EVX2: variants seen among roughly 807,000 people sequenced by gnomAD.
EVX2 encodes homeobox even-skipped homolog protein 2.
EVX2 carries 10 observed loss-of-function variants against 19.2 expected under a neutral mutation model. That is an observed-to-expected ratio of 0.52 (90% CI 0.32 to 0.89). The LOEUF is 0.89. Among genes scored for constraint, EVX2 ranks in the 40% least tolerant of loss-of-function variants. The pLI, the probability that EVX2 is intolerant of heterozygous loss-of-function variation, is 0.03. For missense variants in EVX2, 710 were observed against 694.9 expected, an observed-to-expected ratio of 1.02 and a Z score of -0.24; for synonymous variants, 354 against 328.4, an observed-to-expected ratio of 1.08 and a Z score of -0.84.
In EVX2 at chr2:176,082,095, C is replaced by T. The variant is rs113658423; in HGVS notation, c.699+83G>A. On this transcript the variant is annotated intron_variant, in intron 2 of 2. Transcript: ENST00000308618. This position sits in a 1 kb window ranked among gnomAD's most constrained non-coding sequence, Gnocchi z 5.2. ...CAGACCCTTAGCTAAATCTAGCCACCCAGAAAGGGGAAAGGGGAAAAAGAA... is the reference window on the plus strand; with the variant it reads ...CAGACCCTTAGCTAAATCTAGCCACTCAGAAAGGGGAAAGGGGAAAAAGAA... 704 of 1,415,166 alleles carry T rather than the reference C, an allele frequency of 5.0e-4. 2 individuals are homozygous for T. The African/African-American group carries it at 9.0e-3, about 18-fold the overall frequency. The allele number at this position is 1,415,166 out of a possible 1,614,324, so 87.7% of individuals were successfully genotyped here. A position where few individuals can be genotyped will look rare whatever the true frequency, so the allele number is the denominator to read the frequency against.
At position 176,081,588 on chromosome 2, in the gene EVX2, G is replaced by A. The variant is rs1245862049; in HGVS notation, c.699+590C>T. Among the ~76,000 whole-genome samples, 1 of 151,936 alleles carries A rather than the reference G, an allele frequency of 6.6e-6. No homozygotes were observed. The highest frequency in any genetic ancestry group is 1.5e-5 in the Non-Finnish European group (1 of 68,004). Reference sequence around the variant, plus strand: ...GGCTCACCAAATCGCCTAACCTCCCGGCTATCTCTCCCAGACGTATAATAA... The same window carrying A: ...GGCTCACCAAATCGCCTAACCTCCCAGCTATCTCTCCCAGACGTATAATAA... On this transcript the variant is annotated intron_variant, in intron 2 of 2. Coordinates refer to ENST00000308618, the MANE Select transcript of EVX2 (RefSeq NM_001080458.2). This position sits in a 1 kb window ranked among gnomAD's most constrained non-coding sequence, Gnocchi z 5.9.
rs927104875 is a variant in EVX2 at position 176,078,861 on chromosome 2, C to G, written c.*1246G>C. 1.3e-5 allele frequency: 2 copies of G among 152,192 alleles called. 1 individual carries two copies. The highest frequency in any genetic ancestry group is 4.1e-4 in the South Asian group (2 of 4,830). 9.4% of individuals were successfully genotyped at this position (152,192 alleles called of 1,614,324 possible). ...TGCACATTATTAGCATCAAACTTGA[C>G]GTGGCAGTTAACACTAGTGGGTTTT... On this transcript the variant is annotated 3_prime_UTR_variant, in exon 3 of 3. Coordinates refer to ENST00000308618, the MANE Select transcript of EVX2 (RefSeq NM_001080458.2).
chr2:176,083,711 G>C lies in EVX2; in HGVS notation c.66C>G (p.Gly22=). The C allele has an allele frequency of 6.2e-7, 1 of 1,613,890 alleles. No individual in the cohort carries two copies. The highest frequency in any genetic ancestry group is 8.5e-7 in the Non-Finnish European group (1 of 1,180,000). Residue 22 remains glycine, a synonymous_variant, in exon 1 of 3, where the codon GGC becomes GGG. Transcript: ENST00000308618. This position sits in a 1 kb window ranked among gnomAD's most constrained non-coding sequence, Gnocchi z 4.4. ...AGTTGGACAAATTGGAGAATCTCTT[G>C]CCCGCCGTAGGGCTGTGCAGCCCTC... ...MERGLHSPTA[G]KRFSNLSNSA...
chr2:176,083,543 G>T lies in EVX2; in HGVS notation c.234C>A (p.Asn78Lys), dbSNP rs1434089573. The change falls in exon 1 of 3, where the codon AAC becomes AAA. Residue 78 changes from asparagine to lysine, a missense_variant. Transcript: ENST00000308618. The surrounding 1 kb of genome is among the most constrained non-coding windows in gnomAD (Gnocchi z 4.4). The stretch of plus-strand genomic sequence containing the variant: ...TGCTTTCGCTGCCCGTGTGCTGCAG[G>T]TTGAACAAAGTGTCTATTTCGAATT... ...KGKFEIDTLF[N>K]LQHTGSESTV... 1 of 1,614,202 alleles carries T rather than the reference G, an allele frequency of 6.2e-7. No individual in the cohort carries two copies. The highest frequency in any genetic ancestry group is 8.5e-7 in the Non-Finnish European group (1 of 1,180,040).
chr2:176,080,123 G>T lies in EVX2; in HGVS notation c.1415C>A (p.Ala472Asp). Residue 472 changes from alanine (A) to aspartate (D), a missense_variant, in exon 3 of 3, where the codon GCT becomes GAT. Coordinates refer to ENST00000308618, the MANE Select transcript of EVX2 (RefSeq NM_001080458.2). The surrounding 1 kb of genome is among the most constrained non-coding windows in gnomAD (Gnocchi z 7.0). Reference protein sequence around the residue: ...AVSPPDQRDEAPLTR With the variant: ...AVSPPDQRDEDPLTR The stretch of plus-strand genomic sequence containing the variant: ...GCGACGTAGTTATCTGGTGAGCGGA[G>T]CCTCGTCCCTCTGGTCCGGCGGGCT... 6.5e-7 allele frequency: 1 copy of T among 1,547,592 alleles called. No individual in the cohort carries two copies. The highest frequency in any genetic ancestry group is 1.2e-5 in the South Asian group (1 of 83,816).
Position 176,082,435 on chromosome 2 carries a change from C to T in EVX2, c.442G>A (p.Gly148Ser), listed in dbSNP as rs778975755. 4.5e-6 allele frequency: 7 copies of T among 1,570,878 alleles called. No individual in the cohort carries two copies. In the Admixed American group the frequency reaches 1.1e-4, roughly 24 times the overall value. ...ENNGKGYAES[G>S]SAAGTTTSAS... The stretch of plus-strand genomic sequence containing the variant: ...GACGTCGTGGTGCCGGCAGCCGAGC[C>T]GCTCTCTGCGTACCCTGGCAAACAA... The change falls in exon 2 of 3, where the codon GGC (glycine) becomes AGC (serine). Residue 148 changes from glycine to serine, a missense_variant. Gly to Ser is a moderately conservative substitution (Grantham distance 56). Transcript: ENST00000308618. This position sits in a 1 kb window ranked among gnomAD's most constrained non-coding sequence, Gnocchi z 5.2.
In EVX2 at chr2:176,081,219, C is replaced by T. The variant is rs929116287; in HGVS notation, c.700-381G>A. ...CCAGGATTTGTACGGGGATTCTGGGCAGCCTTTGAAGAGAGGCTGCCGCTC... is the reference window on the plus strand; with the variant it reads ...CCAGGATTTGTACGGGGATTCTGGGTAGCCTTTGAAGAGAGGCTGCCGCTC... On this transcript the variant is annotated intron_variant, in intron 2 of 2. Coordinates refer to ENST00000308618, the MANE Select transcript of EVX2 (RefSeq NM_001080458.2). This position sits in a 1 kb window ranked among gnomAD's most constrained non-coding sequence, Gnocchi z 5.9. Among the ~76,000 whole-genome samples, 3 of 152,174 alleles carry T rather than the reference C, an allele frequency of 2.0e-5. No homozygotes were observed. Among genetic ancestry groups the T allele is most frequent in the Admixed American group, 2.0e-4 (3 of 15,282 alleles).
chr2:176,080,632 T>A lies in EVX2; in HGVS notation c.906A>T (p.Ser302=). The part of the protein sequence containing the change: ...VTAAAAAAAA[S]GAAAAASSPF... ...GCGACGAAGCCGCGGCCGCCGCGCCTGAGGCTGCAGCCGCGGCCGCCGCCG... is the reference window on the plus strand; with the variant it reads ...GCGACGAAGCCGCGGCCGCCGCGCCAGAGGCTGCAGCCGCGGCCGCCGCCG... The change falls in exon 3 of 3, where the codon TCA becomes TCT. Residue 302 remains serine (S), a synonymous_variant. Transcript: ENST00000308618. This position sits in a 1 kb window ranked among gnomAD's most constrained non-coding sequence, Gnocchi z 7.0. 2.6e-6 allele frequency: 4 copies of A among 1,539,272 alleles called. No individual in the cohort carries two copies. Among genetic ancestry groups the A allele is most frequent in the Non-Finnish European group, 3.5e-6 (4 of 1,154,810 alleles).
In EVX2 at chr2:176,080,514, C is replaced by T. The variant is rs757762293; in HGVS notation, c.1024G>A (p.Gly342Ser). The T allele has an allele frequency of 2.0e-6, 3 of 1,468,972 alleles. No individual in the cohort carries two copies. Among genetic ancestry groups the T allele is most frequent in the Non-Finnish European group, 2.7e-6 (3 of 1,124,820 alleles). 91.0% of individuals were successfully genotyped at this position (1,468,972 alleles called of 1,614,324 possible). The part of the protein sequence containing the change: ...PELLCSFRHP[G>S]LYQAPAAAAG... ...GCGGCCGCGGGAGCCTGGTAGAGAC[C>T]AGGGTGGCGGAAGCTACACAGCAGC... Residue 342 changes from glycine (G) to serine (S), a missense_variant, in exon 3 of 3, where the codon GGT becomes AGT. Gly to Ser is a moderately conservative substitution (Grantham distance 56). Transcript: ENST00000308618. The surrounding 1 kb of genome is among the most constrained non-coding windows in gnomAD (Gnocchi z 7.0).
rs1222298514 is a variant in EVX2, at chr2:176,082,080, G to C, written c.699+98C>G. The C allele has an allele frequency of 2.2e-6, 3 of 1,344,628 alleles. No homozygotes were observed. The highest frequency in any genetic ancestry group is 2.9e-6 in the Non-Finnish European group (3 of 1,019,642). The allele number at this position is 1,344,628 out of a possible 1,614,324, so 83.3% of individuals were successfully genotyped here. On this transcript the variant is annotated intron_variant, in intron 2 of 2. Coordinates refer to ENST00000308618, the MANE Select transcript of EVX2 (RefSeq NM_001080458.2). This position sits in a 1 kb window ranked among gnomAD's most constrained non-coding sequence, Gnocchi z 5.2. Reference sequence around the variant, plus strand: ...CCCCCCGCGGATTTCCAGACCCTTAGCTAAATCTAGCCACCCAGAAAGGGG... The same window carrying C: ...CCCCCCGCGGATTTCCAGACCCTTACCTAAATCTAGCCACCCAGAAAGGGG...
Position 176,080,845 on chromosome 2 carries a change from G to A in EVX2, c.700-7C>T. ...GCCGGTTCTGGAACCACACCTGCGG[G>A]GAGAGACGCGCCGCAGCCTGGGTTA... On this transcript the variant is annotated splice_polypyrimidine_tract_variant and splice_region_variant and intron_variant, in intron 2 of 2. Coordinates refer to ENST00000308618, the MANE Select transcript of EVX2 (RefSeq NM_001080458.2). The surrounding 1 kb of genome is among the most constrained non-coding windows in gnomAD (Gnocchi z 7.0). The A allele has an allele frequency of 1.2e-6, 2 of 1,606,670 alleles. No individual in the cohort carries two copies. The highest frequency in any genetic ancestry group is 1.7e-6 in the Non-Finnish European group (2 of 1,177,226).
In EVX2 at chr2:176,082,147, G is replaced by A; in HGVS notation, c.699+31C>T. 2.0e-6 allele frequency: 3 copies of A among 1,523,514 alleles called. No individual in the cohort carries two copies. Among genetic ancestry groups the A allele is most frequent in the Non-Finnish European group, 2.6e-6 (3 of 1,136,528 alleles). The allele number at this position is 1,523,514 out of a possible 1,614,324, so 94.4% of individuals were successfully genotyped here. On this transcript the variant is annotated intron_variant, in intron 2 of 2. Transcript: ENST00000308618. The surrounding 1 kb of genome is among the most constrained non-coding windows in gnomAD (Gnocchi z 5.2). ...CAATCAACCCAGATGCCCCCGGGGA[G>A]GCCAGAGCAGGCATGCACTGGAATT...
At position 176,077,485 on chromosome 2, in the gene EVX2, CATTT is replaced by C. The variant is rs1318479189; in HGVS notation, c.*2618_*2621del. ...AATAAAACTGCCTTGATTTAAATAA[CATTT>C]ATTTTACATGACCAAACACAATAAA... is the stretch of plus-strand genomic sequence containing the variant. On this transcript the variant is annotated 3_prime_UTR_variant, in exon 3 of 3. Transcript: ENST00000308618. The C allele has an allele frequency of 6.6e-6, 1 of 152,300 alleles. No homozygotes were observed. Among genetic ancestry groups the C allele is most frequent in the Non-Finnish European group, 1.5e-5 (1 of 68,014 alleles). 9.4% of individuals were successfully genotyped at this position (152,300 alleles called of 1,614,324 possible).
chr2:176,083,740 C>T lies in EVX2; in HGVS notation c.37G>A (p.Glu13Lys). Residue 13 changes from glutamate to lysine, a missense_variant, in exon 1 of 3, where the codon GAG (glutamate) becomes AAG (lysine). Glu to Lys is a moderately conservative substitution (Grantham distance 56, BLOSUM62 1). Coordinates refer to ENST00000308618, the MANE Select transcript of EVX2 (RefSeq NM_001080458.2). The surrounding 1 kb of genome is among the most constrained non-coding windows in gnomAD (Gnocchi z 4.4). ...GCCGTAGGGCTGTGCAGCCCTCTCT[C>T]CATCAGAATCATCTCTTTTCTTATT... ...ERIRKEMILM[E>K]RGLHSPTAGK... 1 of 1,613,410 alleles carries T rather than the reference C, an allele frequency of 6.2e-7. No homozygotes were observed. The highest frequency in any genetic ancestry group is 1.1e-5 in the South Asian group (1 of 91,088).
chr2:176,083,384 G>T lies in EVX2; in HGVS notation c.393C>A (p.Leu131=), dbSNP rs201090389. The change falls in exon 1 of 3, where the codon CTC becomes CTA. Residue 131 remains leucine, a synonymous_variant. Coordinates refer to ENST00000308618, the MANE Select transcript of EVX2 (RefSeq NM_001080458.2). The surrounding 1 kb of genome is among the most constrained non-coding windows in gnomAD (Gnocchi z 4.4). ...TGTTTTCCTTAAGCTGAGCGGCGCC[G>T]AGGCCCCCGGGGGAGCGAAGCGCGG... The part of the protein sequence containing the change: ...GCSALRSPGG[L]GAAQLKENNG... The T allele has an allele frequency of 5.0e-6, 8 of 1,609,218 alleles. No homozygotes were observed. The Admixed American group carries it at 1.2e-4, about 24-fold the overall frequency.
chr2:176,082,361 G>C lies in EVX2; in HGVS notation c.516C>G (p.Ser172Arg). The C allele has an allele frequency of 6.2e-7, 1 of 1,602,050 alleles. No individual in the cohort carries two copies. Among genetic ancestry groups the C allele is most frequent in the Non-Finnish European group, 8.5e-7 (1 of 1,177,940 alleles). The change falls in exon 2 of 3, where the codon AGC becomes AGG. Residue 172 changes from serine to arginine, a missense_variant. By Grantham distance (110) the Ser-to-Arg change is moderately radical. Transcript: ENST00000308618. This position sits in a 1 kb window ranked among gnomAD's most constrained non-coding sequence, Gnocchi z 5.2. ...LGSLHGGSGG[S>R]GGSAALGGSG... ...AGCCACCCAGCGCCGCGCTCCCGCCGCTGCCTCCGCTGCCTCCATGCAGGC... is the reference window on the plus strand; with the variant it reads ...AGCCACCCAGCGCCGCGCTCCCGCCCCTGCCTCCGCTGCCTCCATGCAGGC...
rs1425525388 is a variant in EVX2 at position 176,082,437 on chromosome 2, C to T, written c.440G>A (p.Ser147Asn). ...KENNGKGYAE[S>N]GSAAGTTTSA... ...CGTCGTGGTGCCGGCAGCCGAGCCG[C>T]TCTCTGCGTACCCTGGCAAACAAAC... The change falls in exon 2 of 3, where the codon AGC (serine) becomes AAC (asparagine). Residue 147 changes from serine to asparagine, a missense_variant. Transcript: ENST00000308618. This position sits in a 1 kb window ranked among gnomAD's most constrained non-coding sequence, Gnocchi z 5.2. The T allele has an allele frequency of 6.4e-7, 1 of 1,570,968 alleles. No homozygotes were observed. The highest frequency in any genetic ancestry group is 1.2e-5 in the South Asian group (1 of 83,938).
At position 176,083,753 on chromosome 2, in the gene EVX2, CTCT is replaced by C; in HGVS notation, c.21_23del (p.Glu8del). 4 of 1,612,346 alleles carry C rather than the reference CTCT, an allele frequency of 2.5e-6. No individual in the cohort carries two copies. Among genetic ancestry groups the C allele is most frequent in the Non-Finnish European group, 3.4e-6 (4 of 1,179,420 alleles). On this transcript the variant is annotated inframe_deletion, in exon 1 of 3. Transcript: ENST00000308618. This position sits in a 1 kb window ranked among gnomAD's most constrained non-coding sequence, Gnocchi z 4.4. ...GCAGCCCTCTCTCCATCAGAATCAT[CTCT>C]TTTCTTATTCTTTCCATCATCTCAG... is the stretch of plus-strand genomic sequence containing the variant.
chr2:176,078,703 C>A lies in EVX2; in HGVS notation c.*1404G>T, dbSNP rs1689087791. On this transcript the variant is annotated 3_prime_UTR_variant, in exon 3 of 3. Coordinates refer to ENST00000308618, the MANE Select transcript of EVX2 (RefSeq NM_001080458.2). ...ATGTTTTATGTACCGAGTCTCTTAT[C>A]CGTCTCTCCTAATGACTTCCCTTAG... The A allele has an allele frequency of 6.6e-6, 1 of 152,220 alleles. No homozygotes were observed. Among genetic ancestry groups the A allele is most frequent in the Non-Finnish European group, 1.5e-5 (1 of 68,044 alleles). The allele number at this position is 152,220 out of a possible 1,614,324, so 9.4% of individuals were successfully genotyped here.
Sources: allele counts gnomAD v4.1 joint callset (sites outside exome capture counted in the v4.1 genomes callset), GRCh38; gene constraint gnomAD v4.1.1; non-coding constraint Gnocchi (gnomAD v3.1); transcripts MANE v1.5; gene names NCBI Gene and HGNC (gene_info 2026-07-23, HGNC 2026-07-21).